STK3: variants seen among roughly 807,000 people sequenced by gnomAD.
The protein encoded by STK3 is serine/threonine kinase 3.
In STK3, 41 loss-of-function variants were observed where a neutral mutation model predicts 58.0. The observed-to-expected ratio is 0.71, with a 90% CI of 0.55 to 0.92. The LOEUF is 0.92. STK3 is among the 40% of genes least tolerant of loss of function. The probability of loss-of-function intolerance (pLI) is 0.00; values close to 1 mark genes in which losing one functional copy is unlikely to be tolerated. For synonymous variants in STK3, 170 were observed against 191.0 expected (o/e 0.89, Z 0.91); for missense variants, 479 against 602.7 (o/e 0.79, Z 2.15).
chr8:98,655,559 T>C (rs967049253), intron 6 of STK3, among the ~76,000 whole-genome samples: 1 of 151,518 alleles, frequency 6.6e-6, no homozygotes, highest in Admixed American at 6.6e-5. Flanking sequence ...ACCTACAACA[T>C]GGGAGAAAAT....
At chr8:98,688,427 T>C (rs569170952) in intron 6 of STK3, among the ~76,000 whole-genome samples, 23 of 152,296 alleles carry the variant, frequency 1.5e-4, no homozygotes, top group African/African-American at 5.1e-4. Flanking sequence ...CTGAACCTGA[T>C]AGACATCTAC....
intron 7 of STK3, among the ~76,000 whole-genome samples, 197 bp from the exon 8 acceptor site, chr8:98,579,986 T>C (rs1813732709): frequency 6.6e-6 from 1 of 152,002 alleles, no homozygotes; most frequent in African/African-American, 2.4e-5. Context: ...TGGGGCTTGT[T>C]TAAAAAAAAA....
intron 3 of STK3, among the ~76,000 whole-genome samples, chr8:98,853,810 T>C (rs1739119783): frequency 6.6e-6 from 1 of 152,232 alleles, no homozygotes; most frequent in Non-Finnish European, 1.5e-5. Context: ...GTCAGAAAGA[T>C]GAATTAGGAA....
At chr8:98,380,611 A>G (rs1817721830) in intron 1 of STK3, among the ~76,000 whole-genome samples, 2 of 152,230 alleles carry the variant, frequency 1.3e-5, no homozygotes, top group African/African-American at 2.4e-5. Flanking sequence ...GAAAAATCCT[A>G]TTTACTCTTC....
chr8:98,387,609 A>C (rs1360603331), intron 1 of STK3, among the ~76,000 whole-genome samples: 1 of 152,144 alleles, frequency 6.6e-6, no homozygotes, highest in East Asian at 1.9e-4. Flanking sequence ...TTAGCCAGGC[A>C]TGATGGTGCA....
chr8:98,832,161 G>A (rs185148697), intron 3 of STK3, among the ~76,000 whole-genome samples: 171 of 151,586 alleles, frequency 1.1e-3, no homozygotes, highest in Admixed American at 3.9e-3. Flanking sequence ...GTCAGAAACC[G>A]GAAGCAGGCA....
chr8:98,451,186 A>G (rs570052280), downstream of STK3, among the ~76,000 whole-genome samples: 47 of 152,210 alleles, frequency 3.1e-4, no homozygotes, highest in African/African-American at 1.1e-3. Context: ...GATTAATGAC[A>G]ATTTTTTTTT....
intron 6 of STK3, among the ~76,000 whole-genome samples, chr8:98,624,988 G>T (rs1294941364): frequency 6.6e-6 from 1 of 152,030 alleles, no homozygotes; most frequent in African/African-American, 2.4e-5. Context: ...GCCTGAGGAT[G>T]AAGTCCAGTT....
At chr8:98,387,816 T>G (rs1817807891) in intron 1 of STK3, among the ~76,000 whole-genome samples, 1 of 151,312 alleles carries the variant, frequency 6.6e-6, no homozygotes, top group African/African-American at 2.4e-5. Context: ...GGGCCCAGAT[T>G]GTTGTCTCTA....
At chr8:98,389,237 C>A (rs573807428), upstream of STK3, among the ~76,000 whole-genome samples, 12 of 152,278 alleles carry the variant, frequency 7.9e-5, no homozygotes, top group East Asian at 2.3e-3. Flanking sequence ...ATCACTTCAG[C>A]CCACAGCAAT....
At chr8:98,708,937 T>A (rs1305141796) in intron 4 of STK3, among the ~76,000 whole-genome samples, 3 of 151,656 alleles carry the variant, frequency 2.0e-5, no homozygotes, top group Non-Finnish European at 4.4e-5. Context: ...AGCTTCAGGA[T>A]GGGAGCTGGT....
chr8:98,560,811 T>C (rs150091090), intron 8 of STK3, among the ~76,000 whole-genome samples: 162 of 152,202 alleles, frequency 1.1e-3, no homozygotes, highest in African/African-American at 3.4e-3. Context: ...AGTGGGTGGA[T>C]TGCTTGAGCC....
intron 6 of STK3, among the ~76,000 whole-genome samples, chr8:98,653,314 T>C (rs1365238332): frequency 1.3e-5 from 2 of 152,034 alleles, no homozygotes; most frequent in African/African-American, 2.4e-5. Flanking sequence ...ACCAGATTCT[T>C]TGGGACACAT....
chr8:98,767,177 T>G, intron 3 of STK3, 66 bp downstream of exon 3: 2 of 1,437,318 alleles, frequency 1.4e-6, no homozygotes, highest in Non-Finnish European at 1.8e-6. Flanking sequence ...AGAATAAATT[T>G]TGTTATATTT....
intron 3 of STK3, among the ~76,000 whole-genome samples, chr8:98,856,158 A>C (rs1470491057): frequency 1.2e-4 from 17 of 144,046 alleles, no homozygotes; most frequent in Non-Finnish European, 2.1e-4. Context: ...TCCATCTCAA[A>C]AAAAAAAAAA....
At chr8:98,742,408 G>C (rs536126454) in intron 4 of STK3, among the ~76,000 whole-genome samples, 1 of 124,858 alleles carries the variant, frequency 8.0e-6, no homozygotes, top group Admixed American at 9.0e-5. Flanking sequence ...TCATCCCTGG[G>C]ATGCAAGGCT....
chr8:98,808,351 T>TA (rs1834010878), intron 1 of STK3, among the ~76,000 whole-genome samples: 1 of 152,162 alleles, frequency 6.6e-6, no homozygotes. Flanking sequence ...TAAAAGGCCT[T>TA]ACGGCAGAAA....
At chr8:98,856,718 GA>G (rs1836699425) in intron 3 of STK3, among the ~76,000 whole-genome samples, 1 of 152,124 alleles carries the variant, frequency 6.6e-6, no homozygotes, top group Non-Finnish European at 1.5e-5. Flanking sequence ...ATGCCCAAGA[GA>G]AATAAAAACA....
At chr8:98,807,124 A>C (rs1381280244) in intron 1 of STK3, among the ~76,000 whole-genome samples, 51 of 146,860 alleles carry the variant, frequency 3.5e-4, no homozygotes, top group African/African-American at 1.2e-3. Flanking sequence ...ACTGCACTCC[A>C]GCCTGGGCGA....
Sources: gnomAD v4.1 joint callset for allele counts (sites outside exome capture counted in the v4.1 genomes callset) on GRCh38, gnomAD v4.1.1 for gene constraint, MANE v1.5 for transcripts, NCBI Gene and HGNC (gene_info 2026-07-23, HGNC 2026-07-21) for gene names.